SLC18A1: variants seen among roughly 807,000 people sequenced by gnomAD.
The protein encoded by SLC18A1 is solute carrier family 18 member A1.
In SLC18A1, 69 loss-of-function variants were observed where a neutral mutation model predicts 53.7. That is an observed-to-expected ratio of 1.28 (90% confidence interval 1.06 to 1.57). The LOEUF is 1.57. Ranked by LOEUF, SLC18A1 falls within the 40% of genes most tolerant of loss-of-function variation. The pLI is 0.00. For missense variants in SLC18A1, 932 were observed against 668.1 expected (o/e 1.40, Z -4.35); for synonymous variants, 320 against 248.1 (o/e 1.29, Z -2.72).
chr8:20,152,644 T>A (rs1232640702), intron 10 of SLC18A1, among the ~76,000 whole-genome samples: 2 of 152,166 alleles, frequency 1.3e-5, no homozygotes, highest in Admixed American at 1.3e-4. Context: ...GACTGGTAGA[T>A]ATTCAAGCAG....
rs373069168 is a variant in SLC18A1 at position 20,152,788 on chromosome 8, G to C, written c.1016-2044C>G. 5.3e-5 allele frequency among the ~76,000 whole-genome samples: 8 copies of C among 152,222 alleles called. No homozygotes were observed. The South Asian group carries it at 1.0e-3, about 20-fold the overall frequency. ...TTTAGACATTAGCAAAGAAGGCAGA[G>C]ATAGCACAGGAGATGAGGAGTAGCC... is the stretch of plus-strand genomic sequence containing the variant. On this transcript the variant is annotated intron_variant, in intron 10 of 15. Coordinates refer to ENST00000276373, the MANE Select transcript of SLC18A1 (RefSeq NM_003053.4).
intron 10 of SLC18A1, 61 bp from the exon 11 acceptor site, chr8:20,150,805 C>T: frequency 7.0e-7 from 1 of 1,435,708 alleles, no homozygotes. Context: ...AATGCCTTGT[C>T]TCGTACAAGA....
chr8:20,171,592 G>A (rs6987705), intron 6 of SLC18A1, 98 bp from the exon 7 acceptor site: 8 of 914,388 alleles, frequency 8.7e-6, no homozygotes, highest in Non-Finnish European at 1.4e-5. Context: ...CAGAAGGCCT[G>A]CTAGGGGCTA....
intron 8 of SLC18A1, among the ~76,000 whole-genome samples, chr8:20,168,745 C>T (rs574053925): frequency 1.3e-5 from 2 of 152,024 alleles, no homozygotes; most frequent in South Asian, 4.1e-4. Flanking sequence ...TTTTTTTGTA[C>T]TTTTAGCAGA....
chr8:20,161,223 C>A (rs745775844), intron 10 of SLC18A1, among the ~76,000 whole-genome samples: 1 of 152,112 alleles, frequency 6.6e-6, no homozygotes, highest in African/African-American at 2.4e-5. Context: ...ATTCAAGGTA[C>A]GATTAATCCT....
intron 10 of SLC18A1, among the ~76,000 whole-genome samples, chr8:20,160,289 C>T (rs76516128): frequency 0.022 from 3,303 of 148,726 alleles, 245 homozygotes; most frequent in East Asian, 0.18. Context: ...AGGAAGCCTA[C>T]AGCCTCCTAG....
At chr8:20,162,117 A>T (rs1046448716) in intron 10 of SLC18A1, among the ~76,000 whole-genome samples, 2 of 152,178 alleles carry the variant, frequency 1.3e-5, no homozygotes, top group African/African-American at 4.8e-5. Context: ...TGGCTGGCAC[A>T]GTTGAGGGGC....
intron 8 of SLC18A1, among the ~76,000 whole-genome samples, chr8:20,168,909 A>G (rs1015567995): frequency 1.3e-5 from 2 of 152,242 alleles, no homozygotes; most frequent in Non-Finnish European, 2.9e-5. Flanking sequence ...TGTAAACATT[A>G]TAGTAAAGAT....
chr8:20,149,589 C>CTCT, intron 12 of SLC18A1, 87 bp downstream of exon 12: 3 of 790,160 alleles, frequency 3.8e-6, no homozygotes, highest in African/African-American at 1.9e-5. Flanking sequence ...TCTCTCTCTC[C>CTCT]CTCTCTCTCT....
chr8:20,148,783 A>G (rs1213243249), intron 12 of SLC18A1, among the ~76,000 whole-genome samples: 2 of 152,170 alleles, frequency 1.3e-5, no homozygotes, highest in African/African-American at 4.8e-5. Flanking sequence ...GGCTGATAAC[A>G]ATTTTTAGGG....
At position 20,149,675 on chromosome 8, in the gene SLC18A1, C is replaced by T; in HGVS notation, c.1146+1G>A. On this transcript the variant is annotated splice_donor_variant, in intron 12 of 15. Coordinates refer to ENST00000276373, the MANE Select transcript of SLC18A1 (RefSeq NM_003053.4). LOFTEE classifies it high-confidence loss of function. The stretch of plus-strand genomic sequence containing the variant: ...CCTCCCCCAGGTCTTCTTATACTTA[C>T]ACAGAGCAAGCTGGTACCTACTACC... 1 of 1,612,968 alleles carries T rather than the reference C, an allele frequency of 6.2e-7. No individual in the cohort carries two copies. Among genetic ancestry groups the T allele is most frequent in the Non-Finnish European group, 8.5e-7 (1 of 1,179,472 alleles).
Position 20,179,243 on chromosome 8 carries a change from T to C in SLC18A1, c.366A>G (p.Lys122=), listed in dbSNP as rs2072348315. 6.2e-7 allele frequency: 1 copy of C among 1,614,034 alleles called. No homozygotes were observed. Among genetic ancestry groups the C allele is most frequent in the Admixed American group, 1.7e-5 (1 of 60,004 alleles). The change falls in exon 3 of 16, where the codon AAA becomes AAG. Residue 122 remains lysine, a synonymous_variant. Coordinates refer to ENST00000276373, the MANE Select transcript of SLC18A1 (RefSeq NM_003053.4). ...AACCTGTGCCTTGCAAGCAGTTGTT[T>C]TTATGAGCTGAGATGGCTTCAGTGG... ...PPATEAISAH[K]NNCLQGTGFL... is the part of the protein sequence containing the mutation.
intron 3 of SLC18A1, 67 bp from the exon 4 acceptor site, chr8:20,178,560 T>G: frequency 8.2e-7 from 1 of 1,218,282 alleles, no homozygotes; most frequent in Non-Finnish European, 1.2e-6. Context: ...GACTACATTT[T>G]TAAATGTAAG....
chr8:20,156,427 C>G (rs1446723936), intron 10 of SLC18A1, among the ~76,000 whole-genome samples: 1 of 152,084 alleles, frequency 6.6e-6, no homozygotes, highest in Non-Finnish European at 1.5e-5. Context: ...TCTGACCAGA[C>G]TCAGGAGGTA....
chr8:20,161,371 G>A (rs4244460), intron 10 of SLC18A1, among the ~76,000 whole-genome samples: 129,519 of 152,192 alleles, frequency 0.85, 55,620 homozygotes, highest in African/African-American at 0.97. Context: ...AAAAATAACA[G>A]TACAAGATAA....
intron 12 of SLC18A1, chr8:20,148,386 C>A (rs2071460612): frequency 1.8e-6 from 2 of 1,117,950 alleles, no homozygotes; most frequent in Non-Finnish European, 2.4e-6. Flanking sequence ...TCCATGGATA[C>A]TTTCTCCCCT....
At chr8:20,173,199 C>T (rs1242482384) in intron 5 of SLC18A1, 71 bp from the exon 6 acceptor site, 2 of 1,112,628 alleles carry the variant, frequency 1.8e-6, no homozygotes, top group Admixed American at 2.2e-5. Flanking sequence ...CCCTTGGTCC[C>T]ACCCTGTTAT....
chr8:20,162,971 C>T (rs1281014281), intron 10 of SLC18A1, among the ~76,000 whole-genome samples: 2 of 152,334 alleles, frequency 1.3e-5, no homozygotes. Context: ...CCCGGTTTCT[C>T]ATTACCCATT....
In SLC18A1 at chr8:20,178,637, A is replaced by T. The variant is rs1585227973; in HGVS notation, c.489-144T>A. 3 of 655,106 alleles carry T rather than the reference A, an allele frequency of 4.6e-6. No individual in the cohort carries two copies. In the Admixed American group the frequency reaches 8.5e-5, roughly 19 times the overall value. The allele number at this position is 655,106 out of a possible 1,614,324, so 40.6% of individuals were successfully genotyped here. A position where few individuals can be genotyped will look rare whatever the true frequency, so the allele number is the denominator to read the frequency against. The stretch of plus-strand genomic sequence containing the variant: ...GCCTCTGAATGTAGTGTGGAGATGA[A>T]ATAGGGCATGTGGATGAGTATGAGC... On this transcript the variant is annotated intron_variant, in intron 3 of 15. Coordinates refer to ENST00000276373, the MANE Select transcript of SLC18A1 (RefSeq NM_003053.4).
Sources: allele counts gnomAD v4.1 joint callset (sites outside exome capture counted in the v4.1 genomes callset), GRCh38; gene constraint gnomAD v4.1.1; transcripts MANE v1.5; gene names NCBI Gene and HGNC (gene_info 2026-07-23, HGNC 2026-07-21).